The following PLSCR2 variants were observed in gnomAD, a reference collection of about 807,000 sequenced individuals.
PLSCR2 encodes PL scramblase 2.
A neutral mutation model predicts 25.3 loss-of-function variants in PLSCR2; 18 were observed. The ratio of observed to expected loss-of-function variants is 0.71; its 90% CI spans 0.49 to 1.06. The LOEUF (loss-of-function observed/expected upper bound fraction) is 1.06. PLSCR2 is among the 50% of genes least tolerant of loss of function. The pLI is 0.00. For synonymous variants in PLSCR2, 88 were observed against 87.3 expected (o/e 1.01, Z -0.04); for missense variants, 243 against 269.5 (o/e 0.90, Z 0.69).
chr3:146,417,536 A>G (rs1355971087), intron 2 of PLSCR2, among the ~76,000 whole-genome samples: 2 of 152,154 alleles, frequency 1.3e-5, no homozygotes, highest in African/African-American at 4.8e-5. Context: ...AGCAGAAGAG[A>G]GGATGATACA....
chr3:146,488,971 G>A (rs1459884110), intron 1 of PLSCR2, among the ~76,000 whole-genome samples: 1 of 152,100 alleles, frequency 6.6e-6, no homozygotes, highest in Non-Finnish European at 1.5e-5. Context: ...TATACACCAT[G>A]GAATACTACG....
intron 2 of PLSCR2, among the ~76,000 whole-genome samples, chr3:146,422,591 G>T (rs1026495337): frequency 2.0e-5 from 3 of 152,030 alleles, no homozygotes; most frequent in African/African-American, 7.2e-5. Context: ...CCACTTAGCG[G>T]ACCAAGTTGG....
At chr3:146,473,750 G>T (rs149482654) in intron 1 of PLSCR2, among the ~76,000 whole-genome samples, 1 of 152,278 alleles carries the variant, frequency 6.6e-6, no homozygotes, top group African/African-American at 2.4e-5. Context: ...TGGAAATCTT[G>T]TTAAAACTCA....
chr3:146,404,821 A>AGG (rs1553768571), intron 2 of PLSCR2, among the ~76,000 whole-genome samples: 20 of 124,740 alleles, frequency 1.6e-4, no homozygotes, highest in African/African-American at 3.8e-4. Flanking sequence ...AAAAAAAAAA[A>AGG]GGGGGGGGGT....
chr3:146,456,055 G>A (rs914365910), intron 3 of PLSCR2, among the ~76,000 whole-genome samples: 3 of 152,112 alleles, frequency 2.0e-5, no homozygotes, highest in African/African-American at 7.2e-5. Flanking sequence ...GCAGTAATTT[G>A]AAAGTAAGAG....
rs142487402 is a variant in PLSCR2, at chr3:146,469,868, A to C, written c.-292-9584T>G. Among the ~76,000 whole-genome samples, 478 of 138,400 alleles carry C rather than the reference A, an allele frequency of 3.5e-3. 4 individuals carry two copies. The highest frequency in any genetic ancestry group is 0.012 in the African/African-American group (460 of 37,066). 90.8% of individuals were successfully genotyped at this position (138,400 alleles called of 152,430 possible). A position where few individuals can be genotyped will look rare whatever the true frequency, so the allele number is the denominator to read the frequency against. ...CCCCGTCCCCTTTTTTGCTCTTTGG[A>C]GAGACTCCGGAAACGTTTCTCCGGT... On this transcript the variant is annotated intron_variant, in intron 1 of 8. Transcript: ENST00000336685.
At chr3:146,487,332 ATAG>A (rs1221723345) in intron 1 of PLSCR2, among the ~76,000 whole-genome samples, 1 of 152,146 alleles carries the variant, frequency 6.6e-6, no homozygotes, top group Admixed American at 6.6e-5. Context: ...CAGGCAAGAG[ATAG>A]AAATAAAGGG....
intron 1 of PLSCR2, among the ~76,000 whole-genome samples, chr3:146,488,117 G>T (rs1467061571): frequency 6.6e-6 from 1 of 151,990 alleles, no homozygotes; most frequent in African/African-American, 2.4e-5. Context: ...TGGGAAAACT[G>T]GCTAGCCATA....
intron 1 of PLSCR2, among the ~76,000 whole-genome samples, chr3:146,482,730 A>T (rs2043173252): frequency 1.3e-5 from 2 of 152,234 alleles, no homozygotes; most frequent in African/African-American, 4.8e-5. Context: ...TACTGGGTAT[A>T]TACCCAAAGA....
At chr3:146,457,181 G>C (rs2041266387) in intron 3 of PLSCR2, among the ~76,000 whole-genome samples, 1 of 152,100 alleles carries the variant, frequency 6.6e-6, no homozygotes, top group South Asian at 2.1e-4. Flanking sequence ...TACTCTGCTT[G>C]TACAATTCAA....
chr3:146,453,732 C>T (rs1291520058), intron 5 of PLSCR2, among the ~76,000 whole-genome samples: 1 of 152,060 alleles, frequency 6.6e-6, no homozygotes, highest in African/African-American at 2.4e-5. Flanking sequence ...ATAGTGTCAC[C>T]ACACAGAACC....
At chr3:146,409,032 T>C (rs529491068) in intron 2 of PLSCR2, among the ~76,000 whole-genome samples, 1 of 152,268 alleles carries the variant, frequency 6.6e-6, no homozygotes, top group African/African-American at 2.4e-5. Context: ...CTGTTGGCAA[T>C]CATCCTAGGT....
chr3:146,400,822 C>T (rs7434212), intron 2 of PLSCR2, among the ~76,000 whole-genome samples: 79,669 of 151,438 alleles, frequency 0.53, 21,205 homozygotes, highest in South Asian at 0.71. Flanking sequence ...ATAGGTAGAA[C>T]GATGGAAGAG....
At chr3:146,488,723 G>A (rs1057001819) in intron 1 of PLSCR2, among the ~76,000 whole-genome samples, 11 of 151,978 alleles carry the variant, frequency 7.2e-5, no homozygotes, top group African/African-American at 2.2e-4. Context: ...ACTGTCGGTG[G>A]GAATCTAAAC....
At chr3:146,423,234 CCTCTCTCTCTCTCT>C (rs200145864) in intron 2 of PLSCR2, among the ~76,000 whole-genome samples, 4,244 of 53,460 alleles carry the variant, frequency 0.079, 158 homozygotes, top group Middle Eastern at 0.23. Context: ...CCTTGCAGTG[CCTCTCTCTCTCTCT>C]CTCTCTCTCT....
At chr3:146,472,020 G>C (rs1416392155) in intron 1 of PLSCR2, among the ~76,000 whole-genome samples, 1 of 152,102 alleles carries the variant, frequency 6.6e-6, no homozygotes, top group Non-Finnish European at 1.5e-5. Flanking sequence ...CTTGTACCCA[G>C]GACATTTTTA....
At chr3:146,489,299 C>T (rs1438184621) in intron 1 of PLSCR2, among the ~76,000 whole-genome samples, 2 of 152,068 alleles carry the variant, frequency 1.3e-5, no homozygotes, top group Non-Finnish European at 2.9e-5. Context: ...GCATGTCCTG[C>T]ACATGTATCC....
chr3:146,438,193 A>C (rs1461418031), downstream of PLSCR2, among the ~76,000 whole-genome samples: 1 of 152,202 alleles, frequency 6.6e-6, no homozygotes, highest in Non-Finnish European at 1.5e-5. Flanking sequence ...TTTACTTCCA[A>C]CTATGTGGTC....
upstream of PLSCR2, among the ~76,000 whole-genome samples, chr3:146,461,450 T>C (rs573522658): frequency 6.6e-6 from 1 of 152,240 alleles, no homozygotes; most frequent in African/African-American, 2.4e-5. Flanking sequence ...AAAAAGTCAA[T>C]ATGCTGTCAA....
Sources: allele counts gnomAD v4.1 joint callset (sites outside exome capture counted in the v4.1 genomes callset), GRCh38; gene constraint gnomAD v4.1.1; transcripts MANE v1.5; gene names NCBI Gene and HGNC (gene_info 2026-07-23, HGNC 2026-07-21).